DPP6: variants seen among roughly 807,000 people sequenced by gnomAD.
DPP6 encodes the protein dipeptidyl peptidase like 6.
DPP6 carries 69 observed loss-of-function variants against 122.6 expected under a neutral mutation model. The ratio of observed to expected loss-of-function variants is 0.56; its 90% CI spans 0.46 to 0.69. The LOEUF (loss-of-function observed/expected upper bound fraction) is 0.69, where lower values mean the gene tolerates loss of function less well. Ranked by LOEUF, DPP6 falls within the 30% of genes least tolerant of loss-of-function variation. DPP6 has a pLI of 0.00. For synonymous variants in DPP6, 418 were observed against 433.1 expected, an observed-to-expected ratio of 0.97 and a Z score of 0.43; for missense variants, 928 against 1,116.9, an observed-to-expected ratio of 0.83 and a Z score of 2.41.
chr7:154,704,342 G>C (rs950077733), intron 7 of DPP6, among the ~76,000 whole-genome samples: 5 of 152,200 alleles, frequency 3.3e-5, no homozygotes, highest in African/African-American at 7.2e-5. Context: ...TCCTGGTGAA[G>C]ATGCTAAGAA....
intron 15 of DPP6, among the ~76,000 whole-genome samples, chr7:154,806,360 T>C (rs1798697480): frequency 6.6e-6 from 1 of 152,182 alleles, no homozygotes; most frequent in Non-Finnish European, 1.5e-5. Flanking sequence ...AGGGAGCACA[T>C]TTTAGGCCTT....
At chr7:154,180,479 G>A (rs1798024595) in intron 1 of DPP6, among the ~76,000 whole-genome samples, 2 of 141,958 alleles carry the variant, frequency 1.4e-5, no homozygotes, top group African/African-American at 2.6e-5. Context: ...TTTATATAAT[G>A]TTATATAAAT....
intron 1 of DPP6, among the ~76,000 whole-genome samples, chr7:154,267,758 A>G (rs1401065963): frequency 1.6e-4 from 2 of 12,884 alleles, no homozygotes; most frequent in African/African-American, 6.9e-4. Context: ...TATCCCTTAT[A>G]AACACATATA....
At chr7:154,565,614 C>T (rs1369024818) in intron 4 of DPP6, among the ~76,000 whole-genome samples, 3 of 152,082 alleles carry the variant, frequency 2.0e-5, no homozygotes, top group Non-Finnish European at 2.9e-5. Flanking sequence ...CAACCTCTGC[C>T]GTCCAGGTTC....
chr7:154,367,664 C>A (rs1425094124), intron 1 of DPP6, among the ~76,000 whole-genome samples: 3 of 151,826 alleles, frequency 2.0e-5, no homozygotes, highest in Admixed American at 2.0e-4. Flanking sequence ...AGGAACATAC[C>A]CAACATATAT....
intron 8 of DPP6, among the ~76,000 whole-genome samples, chr7:154,769,105 G>C (rs192274673): frequency 1.3e-5 from 2 of 152,282 alleles, no homozygotes; most frequent in East Asian, 3.9e-4. Context: ...TCAAAAGGAC[G>C]TGTTGGGCTC....
At chr7:154,654,351 C>T (rs928359210) in intron 6 of DPP6, among the ~76,000 whole-genome samples, 7 of 144,352 alleles carry the variant, frequency 4.8e-5, no homozygotes, top group Admixed American at 1.4e-4. Flanking sequence ...CAGGCCACCC[C>T]GATCCATCTT....
intron 1 of DPP6, among the ~76,000 whole-genome samples, chr7:154,137,641 T>TGGGGG (rs1221969502): frequency 2.9e-4 from 8 of 27,256 alleles, no homozygotes; most frequent in East Asian, 1.2e-3. Context: ...GAGGAGATGG[T>TGGGGG]GGGGGGGGTG....
chr7:154,382,133 T>C (rs1044955768), intron 1 of DPP6, among the ~76,000 whole-genome samples: 2 of 147,316 alleles, frequency 1.4e-5, no homozygotes, highest in Non-Finnish European at 3.0e-5. Flanking sequence ...AAATTTGAAG[T>C]GAGCCGCAGA....
chr7:154,032,337 G>A (rs2129055360), intron 1 of DPP6, among the ~76,000 whole-genome samples: 1 of 152,312 alleles, frequency 6.6e-6, no homozygotes, highest in East Asian at 1.9e-4. Context: ...AAGGAAGCCT[G>A]TGTGGCTGGG....
At chr7:154,347,141 T>TG (rs1405778531) in intron 1 of DPP6, among the ~76,000 whole-genome samples, 1 of 152,236 alleles carries the variant, frequency 6.6e-6, no homozygotes, top group Non-Finnish European at 1.5e-5. Context: ...TGACATCTCC[T>TG]GCTCGGTTCA....
chr7:154,359,433 C>T (rs916222060), intron 1 of DPP6, among the ~76,000 whole-genome samples: 2 of 152,064 alleles, frequency 1.3e-5, no homozygotes, highest in Non-Finnish European at 2.9e-5. Context: ...TCTGCAGGAG[C>T]CCCCAGCCCC....
chr7:154,891,414 T>C (rs1806595113), intron 25 of DPP6, among the ~76,000 whole-genome samples: 1 of 152,196 alleles, frequency 6.6e-6, no homozygotes, highest in African/African-American at 2.4e-5. Context: ...GGCACGGCTA[T>C]AAGATTGTTT....
In DPP6 at chr7:154,385,730, C is replaced by G. The variant is rs78910679; in HGVS notation, c.244-60484C>G. 6.3e-3 allele frequency among the ~76,000 whole-genome samples: 959 copies of G among 152,210 alleles called. 15 individuals are homozygous for G. Among genetic ancestry groups the G allele is most frequent in the African/African-American group, 0.022 (915 of 41,518 alleles). ...GGCACCTGTGTACGGATGAATTCCT[C>G]AAAACAGTATCAGAATCTTACGTAC... On this transcript the variant is annotated intron_variant, in intron 1 of 25. Transcript: ENST00000377770.
At chr7:154,292,177 A>T (rs1805250485) in intron 1 of DPP6, among the ~76,000 whole-genome samples, 1 of 152,064 alleles carries the variant, frequency 6.6e-6, no homozygotes. Flanking sequence ...ATCTGTTATC[A>T]ATAGTTTTAT....
intron 1 of DPP6, among the ~76,000 whole-genome samples, chr7:154,082,846 C>CTTTCTTTCTT (rs1260484862): frequency 1.2e-4 from 13 of 106,274 alleles, no homozygotes; most frequent in African/African-American, 1.6e-4. Context: ...TTTTCTTTTT[C>CTTTCTTTCTT]TTTTTTTTTT....
intron 1 of DPP6, among the ~76,000 whole-genome samples, chr7:154,415,619 G>A (rs1312746721): frequency 1.3e-5 from 2 of 151,600 alleles, no homozygotes; most frequent in East Asian, 3.9e-4. Flanking sequence ...ATAAGCAAAA[G>A]GGATTAACTT....
intron 1 of DPP6, among the ~76,000 whole-genome samples, chr7:154,240,707 T>G (rs1158445876): frequency 6.6e-6 from 1 of 152,196 alleles, no homozygotes; most frequent in Non-Finnish European, 1.5e-5. Context: ...TAACCTGATA[T>G]TCATATTCAG....
chr7:154,111,655 G>GTGTT (rs1585400154), intron 1 of DPP6, among the ~76,000 whole-genome samples: 1 of 150,570 alleles, frequency 6.6e-6, no homozygotes, highest in East Asian at 2.0e-4. Flanking sequence ...GTGTGTGTGT[G>GTGTT]TGTTGCTTTG....
Sources: allele counts gnomAD v4.1 joint callset (sites outside exome capture counted in the v4.1 genomes callset), GRCh38; gene constraint gnomAD v4.1.1; transcripts MANE v1.5; gene names NCBI Gene and HGNC (gene_info 2026-07-23, HGNC 2026-07-21).